Variants in CRTAC1 observed in about 807,000 individuals in gnomAD.
CRTAC1 encodes the protein acidic secreted protein in cartilage.
A neutral mutation model predicts 67.8 loss-of-function variants in CRTAC1; 37 were observed. The ratio of observed to expected loss-of-function variants is 0.55; its 90% CI spans 0.42 to 0.72. CRTAC1 has a LOEUF of 0.72. CRTAC1 is among the 30% of genes least tolerant of loss of function. The pLI is 0.00. For synonymous variants in CRTAC1, 348 were observed against 371.0 expected (o/e 0.94, Z 0.71); for missense variants, 780 against 931.6 (o/e 0.84, Z 2.12).
chr10:97,969,001 C>T (rs2051663210), intron 2 of CRTAC1, among the ~76,000 whole-genome samples: 1 of 152,156 alleles, frequency 6.6e-6, no homozygotes, highest in African/African-American at 2.4e-5. Context: ...TGCTGGTGGT[C>T]TTAATACCAG....
chr10:97,900,124 A>G (rs1281005272), intron 8 of CRTAC1, among the ~76,000 whole-genome samples: 1 of 152,174 alleles, frequency 6.6e-6, no homozygotes, highest in Non-Finnish European at 1.5e-5. Context: ...TCTGATGCCA[A>G]TGGTCTCTGG....
Position 97,917,540 on chromosome 10 carries a change from G to A in CRTAC1, c.675C>T (p.Leu225=), listed in dbSNP as rs2050776613. ...CCCCAGCCTCAGCAGCCACATCTCT[G>A]AGCGCCAGAATGCCCCGGGAGAGGT... The part of the protein sequence containing the change: ...ASDLSRGILA[L]RDVAAEAGVS... Residue 225 remains leucine, a synonymous_variant, in exon 5 of 15, where the codon CTC becomes CTT. Coordinates refer to ENST00000370597, the MANE Select transcript of CRTAC1 (RefSeq NM_018058.7). The A allele has an allele frequency of 6.3e-7, 1 of 1,591,736 alleles. No homozygotes were observed. Among genetic ancestry groups the A allele is most frequent in the Non-Finnish European group, 8.6e-7 (1 of 1,166,290 alleles).
chr10:97,975,287 C>A lies in CRTAC1; in HGVS notation c.224+35851G>T, dbSNP rs545869543. Among the ~76,000 whole-genome samples the A allele has an allele frequency of 5.9e-5, 9 of 152,208 alleles. No homozygotes were observed. In the South Asian group the frequency reaches 1.9e-3, roughly 32 times the overall value. On this transcript the variant is annotated intron_variant, in intron 2 of 14. Transcript: ENST00000370597. This position sits in a 1 kb window ranked among gnomAD's most constrained non-coding sequence, Gnocchi z 4.8. ...GCTGACTGATGCGGCTGTCCTCAGC[C>A]CCCTCACGGAGCACGGGTGCTGCGG...
intron 4 of CRTAC1, among the ~76,000 whole-genome samples, chr10:97,919,323 G>A (rs1346021296): frequency 2.0e-5 from 3 of 152,192 alleles, no homozygotes; most frequent in African/African-American, 7.2e-5. Flanking sequence ...ACTATGGGAA[G>A]TTCTGAAAAA....
intron 3 of CRTAC1, among the ~76,000 whole-genome samples, chr10:97,928,812 G>T (rs11189442): frequency 6.6e-6 from 1 of 151,814 alleles, no homozygotes; most frequent in African/African-American, 2.4e-5. Context: ...CAGGGAGGGG[G>T]GTTTGTGCAG....
At chr10:97,950,108 G>C (rs2051327087) in intron 2 of CRTAC1, among the ~76,000 whole-genome samples, 1 of 152,140 alleles carries the variant, frequency 6.6e-6, no homozygotes, top group Non-Finnish European at 1.5e-5. Flanking sequence ...AAAGGAACCT[G>C]CATATATTCA....
chr10:97,981,612 C>A (rs1182066449), intron 2 of CRTAC1, among the ~76,000 whole-genome samples: 1 of 152,158 alleles, frequency 6.6e-6, no homozygotes, highest in African/African-American at 2.4e-5. Flanking sequence ...ACATAATTTT[C>A]TGACCTTATA....
At chr10:97,888,893 G>A (rs997723131) in intron 11 of CRTAC1, among the ~76,000 whole-genome samples, 1 of 152,158 alleles carries the variant, frequency 6.6e-6, no homozygotes, top group Admixed American at 6.6e-5. Context: ...AGAGAGAATT[G>A]CACTTTTCAG....
At chr10:97,993,922 T>G (rs1325091864) in intron 2 of CRTAC1, among the ~76,000 whole-genome samples, 1 of 152,160 alleles carries the variant, frequency 6.6e-6, no homozygotes, top group East Asian at 1.9e-4. Context: ...AATGGTGTCA[T>G]CTTGGCTCAC....
At chr10:98,025,145 G>A (rs941048692) in intron 1 of CRTAC1, among the ~76,000 whole-genome samples, 23 of 151,974 alleles carry the variant, frequency 1.5e-4, no homozygotes, top group African/African-American at 5.6e-4. Flanking sequence ...TGGGAGAATT[G>A]GATGAGAGTA....
At chr10:97,941,484 A>G (rs2051175123) in intron 2 of CRTAC1, among the ~76,000 whole-genome samples, 1 of 152,068 alleles carries the variant, frequency 6.6e-6, no homozygotes, top group African/African-American at 2.4e-5. Flanking sequence ...CTGACTGGCT[A>G]CCTGACATCA....
intron 7 of CRTAC1, 152 bp from the exon 8 acceptor site, chr10:97,901,791 C>T: frequency 1.2e-6 from 1 of 843,896 alleles, no homozygotes; most frequent in South Asian, 1.8e-5. Context: ...TGGGGGCTGC[C>T]TTTAGGACCA....
At chr10:97,993,090 A>C (rs1303324585) in intron 2 of CRTAC1, among the ~76,000 whole-genome samples, 1 of 152,240 alleles carries the variant, frequency 6.6e-6, no homozygotes, top group Non-Finnish European at 1.5e-5. Flanking sequence ...ACATCAGTAC[A>C]ACTGGTTAGT....
intron 5 of CRTAC1, among the ~76,000 whole-genome samples, chr10:97,912,732 T>C (rs2050705202): frequency 6.6e-6 from 1 of 152,152 alleles, no homozygotes; most frequent in Non-Finnish European, 1.5e-5. Flanking sequence ...GCCTCTTGCT[T>C]CCTGCCTGGC....
At chr10:97,922,790 C>A (rs2050858946) in intron 4 of CRTAC1, among the ~76,000 whole-genome samples, 1 of 152,170 alleles carries the variant, frequency 6.6e-6, no homozygotes, top group Admixed American at 6.5e-5. Context: ...CTCCCTTCAC[C>A]CATCTAGGAA....
intron 2 of CRTAC1, among the ~76,000 whole-genome samples, chr10:97,965,730 C>A (rs1393405266): frequency 6.6e-6 from 1 of 151,804 alleles, no homozygotes; most frequent in East Asian, 2.0e-4. Flanking sequence ...GTGTAATGAA[C>A]TGAAGGAAGT....
At chr10:97,887,229 T>C in intron 11 of CRTAC1, among the ~76,000 whole-genome samples, 1 of 28,938 alleles carries the variant, frequency 3.5e-5, no homozygotes, top group South Asian at 1.9e-3. Flanking sequence ...GCACTTAGGT[T>C]TTTTTTTTTT....
At chr10:97,932,068 T>C (rs1222982915) in intron 3 of CRTAC1, among the ~76,000 whole-genome samples, 1 of 152,220 alleles carries the variant, frequency 6.6e-6, no homozygotes, top group Non-Finnish European at 1.5e-5. Context: ...GTCTTCCTCC[T>C]TCTCCTTTCC....
At chr10:97,930,081 T>C (rs1050010980) in intron 3 of CRTAC1, among the ~76,000 whole-genome samples, 1 of 152,252 alleles carries the variant, frequency 6.6e-6, no homozygotes, top group African/African-American at 2.4e-5. Flanking sequence ...GCTCCTTCAG[T>C]GCTCTCTGTA....
Sources: gnomAD v4.1 joint callset for allele counts (sites outside exome capture counted in the v4.1 genomes callset) on GRCh38, gnomAD v4.1.1 for gene constraint, Gnocchi (gnomAD v3.1) non-coding constraint, MANE v1.5 for transcripts, NCBI Gene and HGNC (gene_info 2026-07-23, HGNC 2026-07-21) for gene names.